ROBO2: variants seen among roughly 807,000 people sequenced by gnomAD.
ROBO2 encodes the protein roundabout guidance receptor 2.
Under a neutral mutation model 160.8 loss-of-function variants are expected in ROBO2, and 53 were observed. The ratio of observed to expected loss-of-function variants is 0.33; its 90% confidence interval spans 0.26 to 0.41. The LOEUF is 0.41. ROBO2 is among the 10% of genes least tolerant of loss of function. ROBO2 has a pLI of 1.00. For synonymous variants in ROBO2, 664 were observed against 611.7 expected (o/e 1.09, Z -1.26); for missense variants, 1,577 against 1,722.4 (o/e 0.92, Z 1.49).
At chr3:77,211,583 A>G (rs1435912173) in intron 2 of ROBO2, among the ~76,000 whole-genome samples, 11 of 152,074 alleles carry the variant, frequency 7.2e-5, no homozygotes, top group Non-Finnish European at 1.0e-4. Flanking sequence ...GTTTAATTAG[A>G]TCCCATTTGT....
chr3:77,141,850 T>A (rs555291283), intron 2 of ROBO2, among the ~76,000 whole-genome samples: 2 of 152,192 alleles, frequency 1.3e-5, no homozygotes, highest in Non-Finnish European at 2.9e-5. Flanking sequence ...TGGGTAAAAG[T>A]CTATTGTATG....
chr3:76,958,058 G>A (rs1417824902), intron 2 of ROBO2, among the ~76,000 whole-genome samples: 3 of 152,084 alleles, frequency 2.0e-5, no homozygotes, highest in Non-Finnish European at 2.9e-5. Context: ...GATTATGGGC[G>A]AAATATGGCT....
intron 2 of ROBO2, among the ~76,000 whole-genome samples, chr3:76,541,568 G>A (rs964031406): frequency 3.9e-5 from 6 of 152,176 alleles, no homozygotes; most frequent in African/African-American, 1.2e-4. Context: ...AGTGAGAATT[G>A]GCATAGGAGA....
At chr3:76,445,703 G>A (rs557812942) in intron 2 of ROBO2, among the ~76,000 whole-genome samples, 21 of 152,182 alleles carry the variant, frequency 1.4e-4, no homozygotes, top group African/African-American at 4.8e-4. Context: ...GATCAAGTGG[G>A]CTTCATCCCT....
At chr3:77,003,209 T>G in intron 2 of ROBO2, among the ~76,000 whole-genome samples, 1 of 152,300 alleles carries the variant, frequency 6.6e-6, no homozygotes, top group Non-Finnish European at 1.5e-5. Flanking sequence ...ATCAGCACAT[T>G]ACTTTACAGT....
intron 2 of ROBO2, among the ~76,000 whole-genome samples, chr3:77,357,412 G>T (rs2069294830): frequency 6.6e-6 from 1 of 152,022 alleles, no homozygotes; most frequent in African/African-American, 2.4e-5. Flanking sequence ...TCCCTGTCAT[G>T]CCTTCCACCG....
At chr3:76,857,616 G>A (rs544972102) in intron 2 of ROBO2, among the ~76,000 whole-genome samples, 2 of 152,044 alleles carry the variant, frequency 1.3e-5, no homozygotes, top group Admixed American at 1.3e-4. Flanking sequence ...CGTTTTTGCT[G>A]TGATGGTGAT....
chr3:76,792,008 T>C (rs948372830), intron 2 of ROBO2, among the ~76,000 whole-genome samples: 1 of 151,974 alleles, frequency 6.6e-6, no homozygotes, highest in Non-Finnish European at 1.5e-5. Flanking sequence ...ATTTTGGCTG[T>C]CACATTACCT....
intron 2 of ROBO2, among the ~76,000 whole-genome samples, chr3:77,302,640 C>T (rs1286047409): frequency 6.6e-6 from 1 of 152,134 alleles, no homozygotes; most frequent in Non-Finnish European, 1.5e-5. Context: ...TTAACATGTT[C>T]CAGCTCACTC....
At chr3:77,617,020 T>C (rs1331779026) in intron 21 of ROBO2, among the ~76,000 whole-genome samples, 2 of 152,232 alleles carry the variant, frequency 1.3e-5, no homozygotes, top group Non-Finnish European at 2.9e-5. Flanking sequence ...AATGCATTTA[T>C]ATGATAGTCT....
intron 2 of ROBO2, among the ~76,000 whole-genome samples, chr3:77,187,123 A>G (rs1340695767): frequency 6.6e-6 from 1 of 152,022 alleles, no homozygotes; most frequent in Non-Finnish European, 1.5e-5. Context: ...AAAAGCTAAA[A>G]CAGGAAAGCA....
intron 2 of ROBO2, among the ~76,000 whole-genome samples, chr3:76,633,125 A>G (rs1251943583): frequency 1.3e-5 from 2 of 152,244 alleles, no homozygotes; most frequent in Non-Finnish European, 2.9e-5. Context: ...GCTTGAAATT[A>G]CTAAGAAGAG....
intron 2 of ROBO2, among the ~76,000 whole-genome samples, chr3:76,328,100 C>G (rs1187513256): frequency 1.3e-5 from 2 of 152,122 alleles, no homozygotes; most frequent in African/African-American, 4.8e-5. Flanking sequence ...GATTTCAGAT[C>G]AACATATACA....
At chr3:76,926,835 T>C (rs1254661475) in intron 2 of ROBO2, among the ~76,000 whole-genome samples, 6 of 152,164 alleles carry the variant, frequency 3.9e-5, no homozygotes, top group Admixed American at 3.9e-4. Context: ...TCGCAGAATC[T>C]AGCTCATTAT....
At chr3:77,599,063 T>C (rs897795900) in intron 19 of ROBO2, among the ~76,000 whole-genome samples, 4 of 152,134 alleles carry the variant, frequency 2.6e-5, no homozygotes, top group Non-Finnish European at 4.4e-5. Flanking sequence ...CATTTTCCCT[T>C]AATTTTCATG....
intron 2 of ROBO2, among the ~76,000 whole-genome samples, chr3:76,843,305 C>A (rs2324694): frequency 0.13 from 19,333 of 151,390 alleles, 1,391 homozygotes; most frequent in East Asian, 0.24. Context: ...GCTGTTCAAA[C>A]TCTGCTTCCA....
intron 2 of ROBO2, among the ~76,000 whole-genome samples, chr3:76,281,353 TG>T (rs932216298): frequency 6.6e-6 from 1 of 151,982 alleles, no homozygotes; most frequent in African/African-American, 2.4e-5. Flanking sequence ...GGTATATGCA[TG>T]TTTTTGAGTG....
chr3:77,542,258 T>A (rs1372793518), intron 6 of ROBO2, among the ~76,000 whole-genome samples: 2 of 151,428 alleles, frequency 1.3e-5, no homozygotes, highest in Non-Finnish European at 2.9e-5. Context: ...TCTACAAAAG[T>A]AAAAGTGATT....
At chr3:76,532,906 A>C (rs578028894) in intron 2 of ROBO2, among the ~76,000 whole-genome samples, 22 of 152,322 alleles carry the variant, frequency 1.4e-4, no homozygotes, top group Middle Eastern at 3.4e-3. Context: ...AGCACTTTTT[A>C]AAATACAACA....
Sources: gnomAD v4.1 joint callset for allele counts (sites outside exome capture counted in the v4.1 genomes callset) on GRCh38, gnomAD v4.1.1 for gene constraint, MANE v1.5 for transcripts, NCBI Gene and HGNC (gene_info 2026-07-23, HGNC 2026-07-21) for gene names.